PTPRM: variants seen among roughly 807,000 people sequenced by gnomAD.
PTPRM encodes the protein receptor-type tyrosine-protein phosphatase mu.
PTPRM carries 47 observed loss-of-function variants against 186.7 expected under a neutral mutation model. The ratio of observed to expected loss-of-function variants is 0.25; its 90% CI spans 0.20 to 0.32. The LOEUF is 0.32. Among genes scored for constraint, PTPRM ranks in the 10% least tolerant of loss-of-function variants. The pLI, the probability that PTPRM is intolerant of heterozygous loss-of-function variation, is 1.00. For synonymous variants in PTPRM, 668 were observed against 674.9 expected (o/e 0.99, Z 0.16); for missense variants, 1,494 against 1,865.0 (o/e 0.80, Z 3.66).
At chr18:8,320,109 A>T (rs1324340986) in intron 22 of PTPRM, among the ~76,000 whole-genome samples, 3 of 152,162 alleles carry the variant, frequency 2.0e-5, no homozygotes, top group Non-Finnish European at 4.4e-5. Context: ...TGTTCTCCCC[A>T]TTTTATTATT....
At chr18:8,202,812 C>T (rs2093876140) in intron 14 of PTPRM, among the ~76,000 whole-genome samples, 1 of 152,074 alleles carries the variant, frequency 6.6e-6, no homozygotes, top group South Asian at 2.1e-4. Context: ...ATTACCTTAT[C>T]TTAATAAAAT....
chr18:8,164,110 C>T (rs78019386), intron 14 of PTPRM, among the ~76,000 whole-genome samples: 2 of 152,226 alleles, frequency 1.3e-5, no homozygotes, highest in Admixed American at 6.5e-5. Context: ...GAAAAGAAAT[C>T]GAGTTTTAGA....
intron 2 of PTPRM, among the ~76,000 whole-genome samples, chr18:7,878,448 C>A (rs2048346359): frequency 1.3e-5 from 2 of 152,154 alleles, no homozygotes; most frequent in Non-Finnish European, 2.9e-5. Flanking sequence ...ATGAAACATC[C>A]TTTGGCTTCT....
intron 2 of PTPRM, among the ~76,000 whole-genome samples, chr18:7,877,071 A>G (rs946931374): frequency 6.6e-6 from 1 of 152,196 alleles, no homozygotes; most frequent in African/African-American, 2.4e-5. Context: ...TCCCATATTA[A>G]TTGTTAATAT....
At chr18:7,860,848 T>A (rs567211902) in intron 2 of PTPRM, among the ~76,000 whole-genome samples, 14 of 152,336 alleles carry the variant, frequency 9.2e-5, no homozygotes, top group African/African-American at 3.4e-4. Flanking sequence ...AGCTTTCCTG[T>A]CTTTGTAGAC....
chr18:8,346,367 C>A (rs2095505124), intron 23 of PTPRM, among the ~76,000 whole-genome samples: 1 of 152,242 alleles, frequency 6.6e-6, no homozygotes, highest in Non-Finnish European at 1.5e-5. Flanking sequence ...GGCCCTCCTC[C>A]TGGCTTTCAT....
At chr18:8,106,518 C>A (rs1253634699) in intron 11 of PTPRM, among the ~76,000 whole-genome samples, 1 of 152,134 alleles carries the variant, frequency 6.6e-6, no homozygotes, top group Admixed American at 6.5e-5. Flanking sequence ...GTCCTTTGTA[C>A]AAACCCTTAT....
chr18:7,695,928 T>A (rs1321401771), intron 1 of PTPRM, among the ~76,000 whole-genome samples: 4 of 152,268 alleles, frequency 2.6e-5, no homozygotes, highest in Non-Finnish European at 4.4e-5. Flanking sequence ...AAATTTATTC[T>A]TTCGAAAGTT....
chr18:8,327,296 T>TA (rs2095383448), intron 22 of PTPRM, among the ~76,000 whole-genome samples: 1 of 152,142 alleles, frequency 6.6e-6, no homozygotes, highest in African/African-American at 2.4e-5. Context: ...CAGAAACTGA[T>TA]ATGGAGAACC....
At chr18:8,006,653 C>T (rs2084204877) in intron 7 of PTPRM, among the ~76,000 whole-genome samples, 1 of 152,152 alleles carries the variant, frequency 6.6e-6, no homozygotes, top group Non-Finnish European at 1.5e-5. Flanking sequence ...ACCATGGCAA[C>T]CCCAGACAGA....
intron 2 of PTPRM, among the ~76,000 whole-genome samples, chr18:7,792,425 T>G (rs2043386048): frequency 6.6e-6 from 1 of 152,154 alleles, no homozygotes; most frequent in Admixed American, 6.5e-5. Context: ...CCTTATGTTT[T>G]GCTCTATTCA....
At chr18:7,731,581 A>G (rs1008715863) in intron 1 of PTPRM, among the ~76,000 whole-genome samples, 8 of 152,182 alleles carry the variant, frequency 5.3e-5, no homozygotes, top group Admixed American at 1.3e-4. Flanking sequence ...GTTATCTGCA[A>G]TAGTGCTGGG....
In PTPRM at chr18:7,705,313, ATCTATCTATCTATCTG is replaced by A. The variant is rs1252110732; in HGVS notation, c.74-68827_74-68812del. 2.0e-3 allele frequency among the ~76,000 whole-genome samples: 296 copies of A among 150,948 alleles called. 2 individuals carry two copies. Among genetic ancestry groups the A allele is most frequent in the Non-Finnish European group, 2.9e-3 (197 of 67,722 alleles). On this transcript the variant is annotated intron_variant, in intron 1 of 32. Transcript: ENST00000580170. Reference sequence around the variant, plus strand: ...TATCTATCTATCTATCTATCTATCTATCTATCTATCTATCTGTCTATCTAGCTAGCTAGCTAGCTAT... The same window carrying A: ...TATCTATCTATCTATCTATCTATCTATCTATCTAGCTAGCTAGCTAGCTAT...
rs990231658 is a variant in PTPRM at position 7,804,201 on chromosome 18, G to A, written c.196+29930G>A. 6.6e-5 allele frequency among the ~76,000 whole-genome samples: 10 copies of A among 152,216 alleles called. No individual in the cohort carries two copies. The East Asian group carries it at 1.5e-3, about 24-fold the overall frequency. On this transcript the variant is annotated intron_variant, in intron 2 of 32. Coordinates refer to ENST00000580170, the MANE Select transcript of PTPRM (RefSeq NM_001105244.2). ...CTTCCCTTGTGGAGCTAAGATGTCA[G>A]CAACAGCTGTGGGCTGTTACCCTCC... is the stretch of plus-strand genomic sequence containing the variant.
At chr18:8,197,077 A>G (rs2146786690) in intron 14 of PTPRM, among the ~76,000 whole-genome samples, 1 of 152,310 alleles carries the variant, frequency 6.6e-6, no homozygotes, top group Non-Finnish European at 1.5e-5. Flanking sequence ...GTTTGTTTTG[A>G]GAGATTAGAG....
At chr18:7,855,673 T>A (rs1216891118) in intron 2 of PTPRM, among the ~76,000 whole-genome samples, 10 of 152,212 alleles carry the variant, frequency 6.6e-5, no homozygotes, top group Non-Finnish European at 1.3e-4. Context: ...ATGAGCTTCT[T>A]GGTAACTAAG....
At chr18:7,915,096 C>T (rs1792466914) in intron 4 of PTPRM, among the ~76,000 whole-genome samples, 1 of 152,182 alleles carries the variant, frequency 6.6e-6, no homozygotes. Context: ...CGATTTGTAT[C>T]TTGGTCAATG....
At chr18:7,725,503 T>C (rs1397438280) in intron 1 of PTPRM, among the ~76,000 whole-genome samples, 2 of 151,944 alleles carry the variant, frequency 1.3e-5, no homozygotes, top group East Asian at 3.9e-4. Context: ...GCTCCTGTTT[T>C]CTGCTCCAAT....
In PTPRM at chr18:7,960,450, C is replaced by CATATATAT. The variant is rs71354579; in HGVS notation, c.1132+5060_1132+5067dup. On this transcript the variant is annotated intron_variant, in intron 7 of 32. Coordinates refer to ENST00000580170, the MANE Select transcript of PTPRM (RefSeq NM_001105244.2). ...CTGGAGGAAGGGAGTATATAGGCAACATATATATATATATATATATATATA... is the reference window on the plus strand; with the variant it reads ...CTGGAGGAAGGGAGTATATAGGCAACATATATATATATATATATATATATATATATATA... 2.4e-3 allele frequency among the ~76,000 whole-genome samples: 293 copies of CATATATAT among 120,518 alleles called. 2 individuals carry two copies. The highest frequency in any genetic ancestry group is 3.9e-3 in the Non-Finnish European group (234 of 60,684). 79.1% of individuals were successfully genotyped at this position (120,518 alleles called of 152,430 possible). A position where few individuals can be genotyped will look rare whatever the true frequency, so the allele number is the denominator to read the frequency against.
Sources: gnomAD v4.1 joint callset for allele counts (sites outside exome capture counted in the v4.1 genomes callset) on GRCh38, gnomAD v4.1.1 for gene constraint, MANE v1.5 for transcripts, NCBI Gene and HGNC (gene_info 2026-07-23, HGNC 2026-07-21) for gene names.